Variants in ASB7 observed in about 807,000 individuals in gnomAD.
The protein encoded by ASB7 is ankyrin repeat and SOCS box protein 7.
ASB7 carries 4 observed loss-of-function variants against 32.5 expected under a neutral mutation model. That is an observed-to-expected ratio of 0.12 (90% CI 0.06 to 0.28). The LOEUF (loss-of-function observed/expected upper bound fraction) is 0.28. Ranked by LOEUF, ASB7 falls within the 10% of genes least tolerant of loss-of-function variation. The pLI is 1.00. For synonymous variants in ASB7, 172 were observed against 155.6 expected, an observed-to-expected ratio of 1.11 and a Z score of -0.78; for missense variants, 181 against 407.1, an observed-to-expected ratio of 0.44 and a Z score of 4.78.
rs758427918 is a variant in ASB7 at position 100,648,433 on chromosome 15, T to C, written c.928T>C (p.Tyr310His). 10 of 1,609,198 alleles carry C rather than the reference T, an allele frequency of 6.2e-6. No individual in the cohort carries two copies. The highest frequency in any genetic ancestry group is 8.5e-6 in the Non-Finnish European group (10 of 1,175,994). ...ELPIAKVMKD[Y>H]LKHKFDDI is the part of the protein sequence containing the mutation. ...ACCAATTGCCAAGGTCATGAAAGACTACTTAAAACACAAATTTGATGATAT... is the reference window on the plus strand; with the variant it reads ...ACCAATTGCCAAGGTCATGAAAGACCACTTAAAACACAAATTTGATGATAT... Residue 310 changes from tyrosine (Y) to histidine (H), a missense_variant, in exon 6 of 6, where the codon TAC (tyrosine) becomes CAC (histidine). Physicochemically the swap from Tyr to His is moderately conservative, Grantham distance 83 (BLOSUM62 2). Coordinates refer to ENST00000332783, the MANE Select transcript of ASB7 (RefSeq NM_198243.3).
intron 4 of ASB7, among the ~76,000 whole-genome samples, chr15:100,614,857 G>T (rs2039728540): frequency 6.6e-6 from 1 of 152,176 alleles, no homozygotes; most frequent in African/African-American, 2.4e-5. Context: ...TGGGCTGCAG[G>T]TTGGACAAGC....
At chr15:100,630,448 T>C (rs2039875220) in intron 5 of ASB7, among the ~76,000 whole-genome samples, 1 of 152,192 alleles carries the variant, frequency 6.6e-6, no homozygotes, top group African/African-American at 2.4e-5. Flanking sequence ...CCTGTGAAAA[T>C]ATCCTAGAAT....
chr15:100,611,481 A>ATTTTTTTTTTTTTTTTT (rs1188398570), intron 3 of ASB7, among the ~76,000 whole-genome samples: 97 of 13,218 alleles, frequency 7.3e-3, no homozygotes, highest in South Asian at 0.022. Flanking sequence ...GATTGTTTCG[A>ATTTTTTTTTTTTTTTTT]TTCTTTTTTT....
At chr15:100,627,062 A>G (rs1388583606) in intron 4 of ASB7, among the ~76,000 whole-genome samples, 8 of 152,086 alleles carry the variant, frequency 5.3e-5, no homozygotes, top group Non-Finnish European at 1.0e-4. Flanking sequence ...CTTAAAGTGA[A>G]TGCATTTTAC....
At chr15:100,605,936 A>G (rs2039640931) in intron 2 of ASB7, among the ~76,000 whole-genome samples, 1 of 152,200 alleles carries the variant, frequency 6.6e-6, no homozygotes, top group Non-Finnish European at 1.5e-5. Flanking sequence ...ATAAATCCTT[A>G]TGTTATATGG....
Position 100,602,891 on chromosome 15 carries a change from C to A in ASB7, c.-428C>A. On this transcript the variant is annotated 5_prime_UTR_variant, in exon 1 of 6. Transcript: ENST00000332783. The stretch of plus-strand genomic sequence containing the variant: ...CCGGGATCGCCACCTCCTGCCTTCT[C>A]GGCTGTTCGGATGTTCGCCGGGCTG... 2.5e-6 allele frequency: 1 copy of A among 397,976 alleles called. No individual in the cohort carries two copies. Among genetic ancestry groups the A allele is most frequent in the Non-Finnish European group, 4.4e-6 (1 of 225,818 alleles). The allele number at this position is 397,976 out of a possible 1,614,324, so 24.7% of individuals were successfully genotyped here.
In ASB7 at chr15:100,649,088, AT is replaced by A. The variant is rs923632611; in HGVS notation, c.*636del. 1.9e-4 allele frequency: 29 copies of A among 149,978 alleles called. No homozygotes were observed. Among genetic ancestry groups the A allele is most frequent in the South Asian group, 6.4e-4 (3 of 4,694 alleles). The allele number at this position is 149,978 out of a possible 1,614,324, so 9.3% of individuals were successfully genotyped here. On this transcript the variant is annotated 3_prime_UTR_variant, in exon 6 of 6. Transcript: ENST00000332783. ...TTTGCTGTGCTCTTGTTTTTAACTTATTTTTTTTTTAACAACTGTAGTACAC... is the reference window on the plus strand; with the variant it reads ...TTTGCTGTGCTCTTGTTTTTAACTTATTTTTTTTTAACAACTGTAGTACAC...
At chr15:100,616,675 A>G (rs990026588) in intron 4 of ASB7, among the ~76,000 whole-genome samples, 5 of 152,166 alleles carry the variant, frequency 3.3e-5, no homozygotes, top group African/African-American at 7.2e-5. Context: ...TAAGCCCTGT[A>G]TTTGTTTTTA....
Position 100,648,308 on chromosome 15 carries a change from T to C in ASB7, c.818-15T>C, listed in dbSNP as rs1304087605. 3.8e-6 allele frequency: 6 copies of C among 1,568,966 alleles called. No individual in the cohort carries two copies. The highest frequency in any genetic ancestry group is 5.2e-6 in the Non-Finnish European group (6 of 1,163,214). On this transcript the variant is annotated splice_polypyrimidine_tract_variant and intron_variant, in intron 5 of 5. Transcript: ENST00000332783. The stretch of plus-strand genomic sequence containing the variant: ...TTTGTGGCTTTGTAACATTTTCTTT[T>C]TTCTGTCTTTTTAGGACAGCCCAGA...
At chr15:100,646,549 A>T in intron 5 of ASB7, 1 of 407,282 alleles carries the variant, frequency 2.5e-6, no homozygotes, top group South Asian at 2.0e-5. Context: ...TTAATTGATG[A>T]TGTTACTAAG....
chr15:100,614,605 A>G (rs911931564), intron 4 of ASB7, among the ~76,000 whole-genome samples: 1 of 152,084 alleles, frequency 6.6e-6, no homozygotes, highest in Non-Finnish European at 1.5e-5. Context: ...GGTGGGGGGA[A>G]AAAAAGAAAA....
intron 5 of ASB7, among the ~76,000 whole-genome samples, chr15:100,639,660 C>T (rs2039947757): frequency 6.6e-6 from 1 of 152,156 alleles, no homozygotes; most frequent in Non-Finnish European, 1.5e-5. Flanking sequence ...TACATTTTAA[C>T]CAGGGGCATT....
chr15:100,620,708 G>C (rs1377766862), intron 4 of ASB7, among the ~76,000 whole-genome samples: 2 of 152,198 alleles, frequency 1.3e-5, no homozygotes, highest in Non-Finnish European at 2.9e-5. Context: ...TATAAGGGTG[G>C]AAATTGTAAC....
rs181177194 is a variant in ASB7 at position 100,642,696 on chromosome 15, G to A, written c.818-5627G>A. 2.7e-3 allele frequency among the ~76,000 whole-genome samples: 410 copies of A among 152,328 alleles called. 3 individuals are homozygous for A. The highest frequency in any genetic ancestry group is 9.3e-3 in the African/African-American group (388 of 41,572). ...TTTGTTTTACTTCCCTGCTCCACAC[G>A]TTATTTTCTGGAGCAATTTGACTGG... On this transcript the variant is annotated intron_variant, in intron 5 of 5. Coordinates refer to ENST00000332783, the MANE Select transcript of ASB7 (RefSeq NM_198243.3).
In ASB7 at chr15:100,630,053, T is replaced by C. The variant is rs1400319123; in HGVS notation, c.817+11T>C. 7 of 1,547,354 alleles carry C rather than the reference T, an allele frequency of 4.5e-6. No homozygotes were observed. Among genetic ancestry groups the C allele is most frequent in the Non-Finnish European group, 6.1e-6 (7 of 1,148,552 alleles). ...TACAAGAAGTCACAAGTATGTAATA[T>C]AATTATTACTTTATTGCATTTTTTA... On this transcript the variant is annotated intron_variant, in intron 5 of 5. Transcript: ENST00000332783.
At chr15:100,616,833 C>T (rs2039747979) in intron 4 of ASB7, among the ~76,000 whole-genome samples, 1 of 152,210 alleles carries the variant, frequency 6.6e-6, no homozygotes, top group African/African-American at 2.4e-5. Flanking sequence ...GGTGCTTAGG[C>T]ATGCTCTGTA....
chr15:100,603,087 G>A (rs938214793), intron 1 of ASB7, 41 bp downstream of exon 1: 2 of 399,186 alleles, frequency 5.0e-6, no homozygotes, highest in Non-Finnish European at 8.8e-6. Flanking sequence ...AGTGCTGGCT[G>A]GGAGGGTAGG....
intron 4 of ASB7, among the ~76,000 whole-genome samples, chr15:100,626,562 A>G (rs1172545107): frequency 6.6e-6 from 1 of 152,194 alleles, no homozygotes; most frequent in Non-Finnish European, 1.5e-5. Flanking sequence ...CATACGACCC[A>G]GCAAGTCTCT....
chr15:100,636,803 T>C lies in ASB7; in HGVS notation c.817+6761T>C, dbSNP rs1158035109. On this transcript the variant is annotated intron_variant, in intron 5 of 5. Transcript: ENST00000332783. ...GAATGACGTTTTTCAGTGTGGACTTTAGCCGGGGCTTCTCAAGATTGTTTT... is the reference window on the plus strand; with the variant it reads ...GAATGACGTTTTTCAGTGTGGACTTCAGCCGGGGCTTCTCAAGATTGTTTT... Among the ~76,000 whole-genome samples the C allele has an allele frequency of 2.0e-5, 3 of 152,362 alleles. No individual in the cohort carries two copies. The East Asian group carries it at 5.8e-4, about 29-fold the overall frequency.
Sources: gnomAD v4.1 joint callset for allele counts (sites outside exome capture counted in the v4.1 genomes callset) on GRCh38, gnomAD v4.1.1 for gene constraint, MANE v1.5 for transcripts, NCBI Gene and HGNC (gene_info 2026-07-23, HGNC 2026-07-21) for gene names.